BNC2: variants seen among roughly 807,000 people sequenced by gnomAD.
BNC2 encodes basonuclin zinc finger protein 2.
Under a neutral mutation model 76.3 loss-of-function variants are expected in BNC2, and 20 were observed. That is an observed-to-expected ratio of 0.26 (90% CI 0.18 to 0.38). BNC2 has a LOEUF of 0.38. Among genes scored for constraint, BNC2 ranks in the 10% least tolerant of loss-of-function variants. The pLI, the probability that BNC2 is intolerant of heterozygous loss-of-function variation, is 1.00. For synonymous variants in BNC2, 582 were observed against 514.8 expected (o/e 1.13, Z -1.77); for missense variants, 1,382 against 1,399.8 (o/e 0.99, Z 0.20).
intron 5 of BNC2, among the ~76,000 whole-genome samples, chr9:16,443,634 G>A (rs1324584749): frequency 6.6e-6 from 1 of 152,038 alleles, no homozygotes; most frequent in Admixed American, 6.5e-5. Flanking sequence ...GAAATTGTGA[G>A]ATATCTATAC....
At chr9:16,663,079 C>G (rs746782666) in intron 3 of BNC2, among the ~76,000 whole-genome samples, 7 of 148,530 alleles carry the variant, frequency 4.7e-5, no homozygotes, top group Non-Finnish European at 1.0e-4. Flanking sequence ...AACACCTCCC[C>G]TACTCGCTCG....
At chr9:16,848,138 A>G (rs1319598567) in intron 1 of BNC2, among the ~76,000 whole-genome samples, 1 of 152,228 alleles carries the variant, frequency 6.6e-6, no homozygotes, top group Non-Finnish European at 1.5e-5. Flanking sequence ...ATCTTATCAA[A>G]CATAAATTTC....
intron 5 of BNC2, among the ~76,000 whole-genome samples, chr9:16,479,348 G>T (rs1387376202): frequency 6.6e-6 from 1 of 152,080 alleles, no homozygotes; most frequent in Non-Finnish European, 1.5e-5. Flanking sequence ...GATTTCAGAG[G>T]GTGTGTTCAT....
intron 5 of BNC2, among the ~76,000 whole-genome samples, chr9:16,541,750 C>T (rs1253407552): frequency 6.6e-6 from 1 of 152,142 alleles, no homozygotes; most frequent in African/African-American, 2.4e-5. Flanking sequence ...TTAACAGACT[C>T]TCTAGAGACA....
chr9:16,753,570 T>C (rs1490813979), intron 1 of BNC2, among the ~76,000 whole-genome samples: 1 of 152,202 alleles, frequency 6.6e-6, no homozygotes, highest in South Asian at 2.1e-4. Flanking sequence ...ACAAATTGTA[T>C]GGCAAGGGGT....
intron 2 of BNC2, among the ~76,000 whole-genome samples, chr9:16,728,442 C>G (rs1164824988): frequency 1.3e-5 from 2 of 152,116 alleles, no homozygotes. Context: ...AAGCTAGGGC[C>G]CTTCCCCGGG....
chr9:16,677,995 T>A (rs918577112), intron 3 of BNC2, among the ~76,000 whole-genome samples: 3 of 152,098 alleles, frequency 2.0e-5, no homozygotes, highest in Admixed American at 2.0e-4. Context: ...GAAAATGGAA[T>A]TGCAGTTCAC....
intron 3 of BNC2, among the ~76,000 whole-genome samples, chr9:16,619,664 C>T (rs536786696): frequency 6.6e-6 from 1 of 152,218 alleles, no homozygotes; most frequent in East Asian, 1.9e-4. Context: ...ACTGAGCTGA[C>T]ACAATGAATT....
chr9:16,647,412 G>A lies in BNC2; in HGVS notation c.331-64327C>T, dbSNP rs185391890. On this transcript the variant is annotated intron_variant, in intron 3 of 6. Coordinates refer to ENST00000380672, the MANE Select transcript of BNC2 (RefSeq NM_017637.6). ...ACAGGAAGAATAACATCCTTAGACA[G>A]ACTTTGACAGAGGCCGACCTGGTTA... 2.0e-5 allele frequency among the ~76,000 whole-genome samples: 3 copies of A among 152,302 alleles called. No homozygotes were observed. In the East Asian group the frequency reaches 5.8e-4, roughly 29 times the overall value.
At chr9:16,510,427 G>C (rs143007828) in intron 5 of BNC2, among the ~76,000 whole-genome samples, 27 of 152,254 alleles carry the variant, frequency 1.8e-4, no homozygotes, top group African/African-American at 4.8e-4. Flanking sequence ...GATATAAAAA[G>C]GCAGGAAACA....
intron 5 of BNC2, among the ~76,000 whole-genome samples, chr9:16,496,428 A>G (rs1449321096): frequency 2.6e-5 from 4 of 152,208 alleles, no homozygotes; most frequent in Non-Finnish European, 4.4e-5. Flanking sequence ...AAATAGCACC[A>G]TTATTGTGAC....
intron 1 of BNC2, among the ~76,000 whole-genome samples, chr9:16,813,801 G>GT (rs1489339449): frequency 6.6e-6 from 1 of 152,074 alleles, no homozygotes; most frequent in Non-Finnish European, 1.5e-5. Context: ...CACTTGGTTG[G>GT]TTTTTTGTTT....
chr9:16,501,267 C>T (rs542771819), intron 5 of BNC2, among the ~76,000 whole-genome samples: 16 of 152,216 alleles, frequency 1.1e-4, no homozygotes, highest in African/African-American at 2.9e-4. Context: ...ATTATTCATA[C>T]GAATGAGTAA....
intron 4 of BNC2, chr9:16,580,215 T>A (rs1240254751): frequency 7.5e-6 from 3 of 398,260 alleles, no homozygotes; most frequent in Non-Finnish European, 4.4e-6. Flanking sequence ...GGTGCTGTCA[T>A]CCCACTGCCA....
At chr9:16,846,600 G>T (rs949949147) in intron 1 of BNC2, among the ~76,000 whole-genome samples, 1 of 152,190 alleles carries the variant, frequency 6.6e-6, no homozygotes, top group Admixed American at 6.5e-5. Context: ...TCTTTCAGCA[G>T]GCATGGACAA....
At chr9:16,664,955 T>C (rs534803108) in intron 3 of BNC2, 4 of 328,530 alleles carry the variant, frequency 1.2e-5, no homozygotes, top group Non-Finnish European at 2.4e-5. Context: ...ATAGGCAGGT[T>C]ATAGGCAGCA....
intron 3 of BNC2, among the ~76,000 whole-genome samples, chr9:16,724,608 G>A (rs371599520): frequency 3.9e-5 from 6 of 152,138 alleles, no homozygotes; most frequent in African/African-American, 1.4e-4. Flanking sequence ...AACTTTAGGG[G>A]CACATACTTC....
At chr9:16,515,733 TTAAAAAAAACCTC>T (rs1403126115) in intron 5 of BNC2, among the ~76,000 whole-genome samples, 1 of 148,662 alleles carries the variant, frequency 6.7e-6, no homozygotes, top group Non-Finnish European at 1.5e-5. Context: ...AAAAAAAAAT[TTAAAAAAAACCTC>T]TGAAAAAAAA....
chr9:16,654,375 T>TTAAA (rs1821871273), intron 3 of BNC2, among the ~76,000 whole-genome samples: 1 of 152,192 alleles, frequency 6.6e-6, no homozygotes, highest in African/African-American at 2.4e-5. Context: ...TGTTAAAATG[T>TTAAA]ACGTAAGTTG....
Sources: allele counts gnomAD v4.1 joint callset (sites outside exome capture counted in the v4.1 genomes callset), GRCh38; gene constraint gnomAD v4.1.1; transcripts MANE v1.5; gene names NCBI Gene and HGNC (gene_info 2026-07-23, HGNC 2026-07-21).